PDGFD: variants seen among roughly 807,000 people sequenced by gnomAD.
PDGFD encodes the protein platelet derived growth factor D.
PDGFD carries 30 observed loss-of-function variants against 44.7 expected under a neutral mutation model. That is an observed-to-expected ratio of 0.67 (90% CI 0.50 to 0.91). The LOEUF is 0.91. Among genes scored for constraint, PDGFD ranks in the 40% least tolerant of loss-of-function variants. PDGFD has a pLI of 0.00. For missense variants in PDGFD, 445 were observed against 457.8 expected (o/e 0.97, Z 0.25); for synonymous variants, 173 against 168.4 (o/e 1.03, Z -0.21).
intron 1 of PDGFD, among the ~76,000 whole-genome samples, chr11:104,070,036 A>T (rs1860851302): frequency 6.6e-6 from 1 of 152,116 alleles, no homozygotes; most frequent in Non-Finnish European, 1.5e-5. Context: ...TACATGTTGG[A>T]CTTCATGTTC....
chr11:104,038,038 C>A lies in PDGFD; in HGVS notation c.125-37783G>T, dbSNP rs756715436. The stretch of plus-strand genomic sequence containing the variant: ...AAGCACGTTATAAATATGTTACCAC[C>A]TTGAGGGAGCCTCAGGTCCCCGGCA... On this transcript the variant is annotated intron_variant, in intron 1 of 6. Coordinates refer to ENST00000393158, the MANE Select transcript of PDGFD (RefSeq NM_025208.5). 8 of 1,584,518 alleles carry A rather than the reference C, an allele frequency of 5.0e-6. No individual in the cohort carries two copies. In the South Asian group the frequency reaches 9.1e-5, roughly 18 times the overall value.
chr11:104,005,937 A>G (rs1384809266), intron 1 of PDGFD, among the ~76,000 whole-genome samples: 1 of 152,248 alleles, frequency 6.6e-6, no homozygotes, highest in Non-Finnish European at 1.5e-5. Flanking sequence ...TAACACAGAA[A>G]GATGTTCACA....
intron 1 of PDGFD, among the ~76,000 whole-genome samples, chr11:104,151,162 C>G (rs956972314): frequency 6.6e-6 from 1 of 152,078 alleles, no homozygotes; most frequent in Non-Finnish European, 1.5e-5. Context: ...CTTACTCTCC[C>G]TTTCTTTTCT....
intron 1 of PDGFD, among the ~76,000 whole-genome samples, chr11:104,016,403 C>G (rs913006061): frequency 1.3e-5 from 2 of 152,198 alleles, no homozygotes; most frequent in South Asian, 2.1e-4. Flanking sequence ...GAAAGCGGAG[C>G]CTTTCTCAAA....
rs1233386664 is a variant in PDGFD at position 104,016,608 on chromosome 11, A to AAC, written c.125-16354_125-16353insGT. Among the ~76,000 whole-genome samples, 4 of 152,318 alleles carry AAC rather than the reference A, an allele frequency of 2.6e-5. No individual in the cohort carries two copies. In the South Asian group the frequency reaches 6.2e-4, roughly 24 times the overall value. The stretch of plus-strand genomic sequence containing the variant: ...GGGGCAAGAGAGAAGTTGGAGTGGC[A>AAC]AACAATGAGCAGTAATTAGCAACTA... On this transcript the variant is annotated intron_variant, in intron 1 of 6. Transcript: ENST00000393158.
rs550706336 is a variant in PDGFD, at chr11:103,945,598, C to T, written c.574-1948G>A. The T allele has an allele frequency of 3.9e-5, 6 of 152,172 alleles. No individual in the cohort carries two copies. In the South Asian group the frequency reaches 1.2e-3, roughly 32 times the overall value. 9.4% of individuals were successfully genotyped at this position (152,172 alleles called of 1,614,324 possible). A position where few individuals can be genotyped will look rare whatever the true frequency, so the allele number is the denominator to read the frequency against. On this transcript the variant is annotated intron_variant, in intron 4 of 6. Transcript: ENST00000393158. Reference sequence around the variant, plus strand: ...AAAATCTTTGAAATTAAAATGCTTCCCTCATTTTTGAAATAAAAACAGGGA... The same window carrying T: ...AAAATCTTTGAAATTAAAATGCTTCTCTCATTTTTGAAATAAAAACAGGGA...
At chr11:104,021,167 T>C (rs1015804128) in intron 1 of PDGFD, among the ~76,000 whole-genome samples, 7 of 152,168 alleles carry the variant, frequency 4.6e-5, no homozygotes, top group African/African-American at 1.2e-4. Flanking sequence ...TGAGCTGCAG[T>C]GGTCTACGGA....
intron 1 of PDGFD, among the ~76,000 whole-genome samples, chr11:104,029,912 G>A (rs369182239): frequency 2.0e-5 from 3 of 152,140 alleles, no homozygotes; most frequent in East Asian, 3.9e-4. Context: ...ATTACAGGCC[G>A]AACATCCCTA....
At chr11:104,090,823 C>G (rs1338787222) in intron 1 of PDGFD, among the ~76,000 whole-genome samples, 1 of 151,916 alleles carries the variant, frequency 6.6e-6, no homozygotes, top group African/African-American at 2.4e-5. Context: ...AGCTAAGTGC[C>G]TTCCCTCAAT....
chr11:103,998,611 G>C (rs543730832), intron 2 of PDGFD, among the ~76,000 whole-genome samples: 1 of 152,246 alleles, frequency 6.6e-6, no homozygotes. Context: ...CTGTTTCCTT[G>C]AGTTTTGTGA....
intron 1 of PDGFD, among the ~76,000 whole-genome samples, chr11:104,140,696 T>A (rs1196041889): frequency 4.6e-5 from 7 of 152,146 alleles, no homozygotes; most frequent in African/African-American, 1.7e-4. Flanking sequence ...TATCCCCCCC[T>A]GAACATTATC....
intron 3 of PDGFD, 118 bp downstream of exon 3, chr11:103,995,947 A>C: frequency 2.3e-6 from 2 of 856,912 alleles, no homozygotes; most frequent in South Asian, 3.6e-5. Flanking sequence ...GGAACAAACC[A>C]TGTTATAAGG....
intron 1 of PDGFD, among the ~76,000 whole-genome samples, chr11:104,114,668 A>C (rs1861606084): frequency 6.6e-6 from 1 of 152,010 alleles, no homozygotes. Context: ...TACCACTTGA[A>C]TCTATGAATC....
intron 1 of PDGFD, among the ~76,000 whole-genome samples, chr11:104,030,888 C>T (rs1048767978): frequency 6.6e-6 from 1 of 152,134 alleles, no homozygotes; most frequent in Non-Finnish European, 1.5e-5. Context: ...CACCTTATCC[C>T]AAACAAATAA....
chr11:104,064,394 A>G (rs1037529136), intron 1 of PDGFD, among the ~76,000 whole-genome samples: 2 of 152,254 alleles, frequency 1.3e-5, no homozygotes, highest in African/African-American at 4.8e-5. Context: ...TCAGAAGCAC[A>G]TGGGAACAAT....
chr11:103,909,952 T>G, intron 6 of PDGFD, 133 bp from the exon 7 acceptor site: 1 of 1,038,816 alleles, frequency 9.6e-7, no homozygotes, highest in Non-Finnish European at 1.4e-6. Context: ...GGCTTGCTAT[T>G]AGAATGCACA....
At chr11:104,005,453 C>T (rs553308584) in intron 1 of PDGFD, among the ~76,000 whole-genome samples, 1 of 152,274 alleles carries the variant, frequency 6.6e-6, no homozygotes, top group South Asian at 2.1e-4. Context: ...CAACTCAGGG[C>T]TATTCTTAGC....
At chr11:104,079,675 C>A (rs1861016090) in intron 1 of PDGFD, among the ~76,000 whole-genome samples, 1 of 152,186 alleles carries the variant, frequency 6.6e-6, no homozygotes, top group Non-Finnish European at 1.5e-5. Context: ...GCGTGAGCCA[C>A]CGCGCCTGGC....
intron 1 of PDGFD, among the ~76,000 whole-genome samples, chr11:104,067,179 T>C (rs1860802066): frequency 6.6e-6 from 1 of 152,168 alleles, no homozygotes; most frequent in Non-Finnish European, 1.5e-5. Flanking sequence ...CAAACATCTG[T>C]CTAGAGACTA....
Sources: allele counts gnomAD v4.1 joint callset (sites outside exome capture counted in the v4.1 genomes callset), GRCh38; gene constraint gnomAD v4.1.1; transcripts MANE v1.5; gene names NCBI Gene and HGNC (gene_info 2026-07-23, HGNC 2026-07-21).